The following DEGS2 variants were observed in gnomAD, a reference collection of about 807,000 sequenced individuals.
DEGS2 encodes delta 4-desaturase, sphingolipid 2.
In DEGS2, 19 loss-of-function variants were observed where a neutral mutation model predicts 23.8. That is an observed-to-expected ratio of 0.80 (90% CI 0.56 to 1.17). The LOEUF (loss-of-function observed/expected upper bound fraction) is 1.17, where lower values mean the gene tolerates loss of function less well. Among genes scored for constraint, DEGS2 ranks in the 50% most tolerant of loss-of-function variants. The pLI is 0.00. For synonymous variants in DEGS2, 218 were observed against 213.7 expected, an observed-to-expected ratio of 1.02 and a Z score of -0.18; for missense variants, 390 against 459.5, an observed-to-expected ratio of 0.85 and a Z score of 1.38.
At chr14:100,154,234 G>A (rs574167155) in intron 1 of DEGS2, among the ~76,000 whole-genome samples, 12 of 152,222 alleles carry the variant, frequency 7.9e-5, no homozygotes, top group Middle Eastern at 3.4e-3. Flanking sequence ...ACAAGGTGGC[G>A]TGCGCCTGTA....
intron 1 of DEGS2, among the ~76,000 whole-genome samples, chr14:100,154,848 C>A (rs772108551): frequency 6.6e-6 from 1 of 152,222 alleles, no homozygotes. Context: ...AGACAGGGCC[C>A]CCCCACGCCA....
At position 100,146,654 on chromosome 14, in the gene DEGS2, A is replaced by C; in HGVS notation, c.*107T>G. 1 of 1,476,794 alleles carries C rather than the reference A, an allele frequency of 6.8e-7. No individual in the cohort carries two copies. The highest frequency in any genetic ancestry group is 9.1e-7 in the Non-Finnish European group (1 of 1,100,806). 91.5% of individuals were successfully genotyped at this position (1,476,794 alleles called of 1,614,324 possible). On this transcript the variant is annotated 3_prime_UTR_variant, in exon 3 of 3. Transcript: ENST00000305631. ...CTGCGCGGGACACTCCTCGGGGACA[A>C]GGGCAGCAGTCCAGAGCACAGGAAG...
In DEGS2 at chr14:100,159,539, G is replaced by A; in HGVS notation, c.49C>T (p.Gln17Ter). The A allele has an allele frequency of 6.6e-7, 1 of 1,512,504 alleles. No homozygotes were observed. The highest frequency in any genetic ancestry group is 8.8e-7 in the Non-Finnish European group (1 of 1,132,296). The allele number at this position is 1,512,504 out of a possible 1,614,324, so 93.7% of individuals were successfully genotyped here. A position where few individuals can be genotyped will look rare whatever the true frequency, so the allele number is the denominator to read the frequency against. Residue 17 changes from glutamine (Q) to a stop codon, truncating the protein, a stop_gained, in exon 1 of 3, where the codon CAG becomes TAG. Transcript: ENST00000305631. LOFTEE classifies it high-confidence loss of function. ...RSDFEWVYTD[Q>*]PHTQRRKEIL... ...TCCTTGCGCCGCTGCGTGTGCGGCT[G>A]GTCGGTGTAGACCCACTCGAAGTCG...
At chr14:100,150,897 A>G (rs1327860478) in intron 1 of DEGS2, among the ~76,000 whole-genome samples, 1 of 152,046 alleles carries the variant, frequency 6.6e-6, no homozygotes. Context: ...GGCCCCAGCT[A>G]TGGGCTGGTC....
intron 1 of DEGS2, among the ~76,000 whole-genome samples, chr14:100,155,868 A>C (rs1889648554): frequency 6.6e-6 from 1 of 152,082 alleles, no homozygotes; most frequent in Admixed American, 6.5e-5. Flanking sequence ...CATTTTCAAA[A>C]AAAAAACAAA....
intron 1 of DEGS2, among the ~76,000 whole-genome samples, chr14:100,150,952 C>T (rs569277434): frequency 6.6e-6 from 1 of 152,214 alleles, no homozygotes; most frequent in African/African-American, 2.4e-5. Context: ...CACTGGGACC[C>T]CAGAAACAGG....
At chr14:100,151,310 T>C (rs1414844903) in intron 1 of DEGS2, among the ~76,000 whole-genome samples, 1 of 152,252 alleles carries the variant, frequency 6.6e-6, no homozygotes, top group East Asian at 1.9e-4. Flanking sequence ...GGCGATGGCC[T>C]GGCCCTGGCT....
chr14:100,158,251 A>C (rs1410883598), intron 1 of DEGS2, among the ~76,000 whole-genome samples: 1 of 152,274 alleles, frequency 6.6e-6, no homozygotes, highest in East Asian at 1.9e-4. Context: ...TCTAGTAAAA[A>C]TACAAAAAAA....
intron 1 of DEGS2, among the ~76,000 whole-genome samples, chr14:100,155,143 G>GC (rs995936228): frequency 1.3e-5 from 2 of 152,090 alleles, no homozygotes; most frequent in Admixed American, 1.3e-4. Context: ...TTCCACCTCT[G>GC]CCGCCACCTG....
chr14:100,158,891 G>A (rs1161220547), intron 1 of DEGS2, among the ~76,000 whole-genome samples: 1 of 152,238 alleles, frequency 6.6e-6, no homozygotes, highest in Non-Finnish European at 1.5e-5. Context: ...CAGAGGACAC[G>A]AAGCAACAAG....
chr14:100,150,146 C>CCT (rs1447410477), intron 1 of DEGS2, among the ~76,000 whole-genome samples: 1 of 152,236 alleles, frequency 6.6e-6, no homozygotes, highest in Admixed American at 6.5e-5. Flanking sequence ...AGCAATGTCT[C>CCT]CTGTCAGGCA....
At chr14:100,148,179 G>C (rs1425557221) in intron 2 of DEGS2, among the ~76,000 whole-genome samples, 1 of 152,208 alleles carries the variant, frequency 6.6e-6, no homozygotes, top group South Asian at 2.1e-4. Flanking sequence ...ACAGATGCGT[G>C]TGCGCACGCC....
chr14:100,148,925 TGCAGCCCTGCCCCGCC>T, intron 2 of DEGS2, 27 bp downstream of exon 2: 8 of 1,584,372 alleles, frequency 5.0e-6, no homozygotes, highest in South Asian at 2.3e-5. Flanking sequence ...CCGATGGCTG[TGCAGCCCTGCCCCGCC>T]GCAGCCCTGC....
Position 100,144,425 on chromosome 14 carries a change from G to A in DEGS2, c.*2336C>T, listed in dbSNP as rs1889394558. On this transcript the variant is annotated 3_prime_UTR_variant, in exon 3 of 3. Coordinates refer to ENST00000305631, the MANE Select transcript of DEGS2 (RefSeq NM_206918.3). ...GTGGTGTCCTGGGGCTGGGCCTCAG[G>A]TCCTGCCTGTAGGGAACTCCCTACG... The A allele has an allele frequency of 6.6e-6, 1 of 152,366 alleles. No homozygotes were observed. The highest frequency in any genetic ancestry group is 6.5e-5 in the Admixed American group (1 of 15,282). 9.4% of individuals were successfully genotyped at this position (152,366 alleles called of 1,614,324 possible).
Position 100,146,578 on chromosome 14 carries a change from G to A in DEGS2, c.*183C>T. 1 of 834,820 alleles carries A rather than the reference G, an allele frequency of 1.2e-6. No individual in the cohort carries two copies. Among genetic ancestry groups the A allele is most frequent in the Non-Finnish European group, 1.8e-6 (1 of 546,168 alleles). The allele number at this position is 834,820 out of a possible 1,614,324, so 51.7% of individuals were successfully genotyped here. ...GGGCCACACTCAAGGTCCAGGGCAA[G>A]TCCACGTGCAGACGGAGCCCTGCAG... On this transcript the variant is annotated 3_prime_UTR_variant, in exon 3 of 3. Transcript: ENST00000305631.
At position 100,146,772 on chromosome 14, in the gene DEGS2, C is replaced by A. The variant is rs748392895; in HGVS notation, c.961G>T (p.Asp321Tyr). Reference sequence around the variant, plus strand: ...GAGGCAGCCCGGGCTCACAGACCATCTTTTGCCAGCCTGTACACCCGCTTC... The same window carrying A: ...GAGGCAGCCCGGGCTCACAGACCATATTTTGCCAGCCTGTACACCCGCTTC... The part of the protein sequence containing the change: ...RVKRVYRLAK[D>Y]GL The change falls in exon 3 of 3, where the codon GAT (aspartate) becomes TAT (tyrosine). Residue 321 changes from aspartate (D) to tyrosine (Y), a missense_variant. Asp to Tyr is a radical substitution (Grantham distance 160). Coordinates refer to ENST00000305631, the MANE Select transcript of DEGS2 (RefSeq NM_206918.3). 3.0e-5 allele frequency: 48 copies of A among 1,613,416 alleles called. No homozygotes were observed. The highest frequency in any genetic ancestry group is 3.3e-4 in the Middle Eastern group (2 of 6,080).
chr14:100,147,534 C>T (rs1426382222), intron 2 of DEGS2, among the ~76,000 whole-genome samples: 1 of 152,128 alleles, frequency 6.6e-6, no homozygotes, highest in Non-Finnish European at 1.5e-5. Flanking sequence ...CACAGACACC[C>T]CCACCAACTT....
intron 1 of DEGS2, among the ~76,000 whole-genome samples, chr14:100,157,879 G>A (rs1889682789): frequency 6.6e-6 from 1 of 152,140 alleles, no homozygotes; most frequent in Admixed American, 6.5e-5. Flanking sequence ...CCTGAGGTCA[G>A]GAGTTTGAGA....
At chr14:100,156,316 C>T (rs2140424960) in intron 1 of DEGS2, among the ~76,000 whole-genome samples, 1 of 152,350 alleles carries the variant, frequency 6.6e-6, no homozygotes, top group South Asian at 2.1e-4. Context: ...TTACACAGAG[C>T]ATTTCTCCAA....
Sources: allele counts gnomAD v4.1 joint callset (sites outside exome capture counted in the v4.1 genomes callset), GRCh38; gene constraint gnomAD v4.1.1; transcripts MANE v1.5; gene names NCBI Gene and HGNC (gene_info 2026-07-23, HGNC 2026-07-21).